Variants in UBASH3B observed in about 807,000 individuals in gnomAD.
UBASH3B encodes the protein ubiquitin associated and SH3 domain containing B, also known as ubiquitin-associated and SH3 domain-containing protein B.
Under a neutral mutation model 83.4 loss-of-function variants are expected in UBASH3B, and 37 were observed. The ratio of observed to expected loss-of-function variants is 0.44; its 90% CI spans 0.34 to 0.58. The LOEUF (loss-of-function observed/expected upper bound fraction) is 0.58, where lower values mean the gene tolerates loss of function less well. UBASH3B is among the 20% of genes least tolerant of loss of function. UBASH3B has a pLI of 0.01. For missense variants in UBASH3B, 657 were observed against 827.2 expected (o/e 0.79, Z 2.52); for synonymous variants, 304 against 318.3 (o/e 0.96, Z 0.48).
Position 122,789,154 on chromosome 11 carries a change from G to A in UBASH3B, c.826G>A (p.Val276Ile). 6.2e-7 allele frequency: 1 copy of A among 1,614,064 alleles called. No individual in the cohort carries two copies. The highest frequency in any genetic ancestry group is 8.5e-7 in the Non-Finnish European group (1 of 1,180,018). The change falls in exon 6 of 14, where the codon GTC (valine) becomes ATC (isoleucine). Residue 276 changes from valine (V) to isoleucine (I), a missense_variant. Val to Ile is a conservative substitution (Grantham distance 29, BLOSUM62 3). This residue lies in a region of UBASH3B where 573 missense variants were observed against 739.0 expected (regional missense o/e 0.78). Coordinates refer to ENST00000284273, the MANE Select transcript of UBASH3B (RefSeq NM_032873.5). ...ACAAAATGACGATGAGCTGGAGCTG[G>A]TCCCCGGGGACTTCATCTTCATGTC... ...TPQNDDELEL[V>I]PGDFIFMSPM...
chr11:122,662,427 C>CTT lies in UBASH3B; in HGVS notation c.161+6220_161+6221dup, dbSNP rs1434926452. On this transcript the variant is annotated intron_variant, in intron 1 of 13. Coordinates refer to ENST00000284273, the MANE Select transcript of UBASH3B (RefSeq NM_032873.5). ...GCAGCCACCAGTCGCTTTTTCTTTT[C>CTT]TTTTCTTTTTTTTTTTTTTGAGACA... Among the ~76,000 whole-genome samples, 17 of 136,200 alleles carry CTT rather than the reference C, an allele frequency of 1.2e-4. 1 individual carries two copies. The highest frequency in any genetic ancestry group is 2.7e-4 in the South Asian group (1 of 3,668). 89.4% of individuals were successfully genotyped at this position (136,200 alleles called of 152,430 possible).
chr11:122,786,206 C>G (rs575648630), intron 5 of UBASH3B, among the ~76,000 whole-genome samples: 1 of 152,026 alleles, frequency 6.6e-6, no homozygotes, highest in Non-Finnish European at 1.5e-5. Flanking sequence ...CCTGCCACCA[C>G]GCCTGGCTAA....
intron 1 of UBASH3B, among the ~76,000 whole-genome samples, chr11:122,734,324 G>A (rs12288472): frequency 1.3e-5 from 2 of 152,246 alleles, no homozygotes; most frequent in African/African-American, 4.8e-5. Context: ...ATTGAAAAGA[G>A]CTTGACATGG....
At chr11:122,779,754 A>T in intron 4 of UBASH3B, 59 bp downstream of exon 4, 1 of 1,600,516 alleles carries the variant, frequency 6.2e-7, no homozygotes, top group South Asian at 1.1e-5. Flanking sequence ...TTGGAAAGGA[A>T]AAAGGATAGG....
At chr11:122,779,825 G>A in intron 4 of UBASH3B, 130 bp downstream of exon 4, 2 of 1,124,284 alleles carry the variant, frequency 1.8e-6, no homozygotes, top group Non-Finnish European at 2.5e-6. Flanking sequence ...GAATGGACGT[G>A]TGACAAAAAA....
intron 1 of UBASH3B, among the ~76,000 whole-genome samples, chr11:122,671,146 G>C (rs1863588195): frequency 6.6e-6 from 1 of 152,222 alleles, no homozygotes; most frequent in South Asian, 2.1e-4. Context: ...TGGCTTAGGA[G>C]TGTGGCGCTC....
intron 1 of UBASH3B, among the ~76,000 whole-genome samples, chr11:122,702,646 T>C (rs1864057211): frequency 6.6e-6 from 1 of 151,940 alleles, no homozygotes; most frequent in African/African-American, 2.4e-5. Context: ...TGCTTCAGCC[T>C]CTCGAGTAGC....
rs1861336183 is a variant in UBASH3B, at chr11:122,806,128, T to C, written c.1596-282T>C. 6.6e-6 allele frequency among the ~76,000 whole-genome samples: 1 copy of C among 152,118 alleles called. No homozygotes were observed. Among genetic ancestry groups the C allele is most frequent in the Non-Finnish European group, 1.5e-5 (1 of 68,032 alleles). ...CTATGTGACTAGGACCATCCATCAA[T>C]GGCTTATTTGTTATCCCGAGAGTGA... On this transcript the variant is annotated intron_variant, in intron 11 of 13. Transcript: ENST00000284273. The surrounding 1 kb of genome is among the most constrained non-coding windows in gnomAD (Gnocchi z 4.0).
chr11:122,681,529 C>T (rs1227880000), intron 1 of UBASH3B, among the ~76,000 whole-genome samples: 1 of 152,192 alleles, frequency 6.6e-6, no homozygotes. Context: ...CCTCGGGGAA[C>T]ATGGATAAGC....
In UBASH3B at chr11:122,786,154, G is replaced by A. The variant is rs946123497; in HGVS notation, c.771+2932G>A. On this transcript the variant is annotated intron_variant, in intron 5 of 13. Coordinates refer to ENST00000284273, the MANE Select transcript of UBASH3B (RefSeq NM_032873.5). ...AACTTCCGCCTCCTGGGTTCACGCC[G>A]TTCTCCTGCCTCAGCCTCCCAAGTA... is the stretch of plus-strand genomic sequence containing the variant. Among the ~76,000 whole-genome samples, 33 of 152,038 alleles carry A rather than the reference G, an allele frequency of 2.2e-4. 2 individuals are homozygous for A. The highest frequency in any genetic ancestry group is 1.5e-3 in the Admixed American group (23 of 15,278).
chr11:122,802,124 G>T (rs185782156), intron 11 of UBASH3B, among the ~76,000 whole-genome samples: 27 of 152,206 alleles, frequency 1.8e-4, no homozygotes, highest in African/African-American at 6.5e-4. Flanking sequence ...AGACCAGCCT[G>T]TCCAACATGG....
Position 122,806,318 on chromosome 11 carries a change from A to T in UBASH3B, c.1596-92A>T. 9.0e-7 allele frequency: 1 copy of T among 1,114,650 alleles called. No individual in the cohort carries two copies. Among genetic ancestry groups the T allele is most frequent in the African/African-American group, 1.6e-5 (1 of 63,100 alleles). The allele number at this position is 1,114,650 out of a possible 1,614,324, so 69.0% of individuals were successfully genotyped here. A position where few individuals can be genotyped will look rare whatever the true frequency, so the allele number is the denominator to read the frequency against. On this transcript the variant is annotated intron_variant, in intron 11 of 13. Transcript: ENST00000284273. The surrounding 1 kb of genome is among the most constrained non-coding windows in gnomAD (Gnocchi z 4.0). ...AAACAAACAGATCTACGGGATCTTT[A>T]GAAATGCCTTGAAATAAAAGTTTAG...
rs1237750849 is a variant in UBASH3B, at chr11:122,759,506, A to G, written c.162-16713A>G. 1.3e-5 allele frequency among the ~76,000 whole-genome samples: 2 copies of G among 152,152 alleles called. No individual in the cohort carries two copies. The highest frequency in any genetic ancestry group is 2.4e-5 in the African/African-American group (1 of 41,436). On this transcript the variant is annotated intron_variant, in intron 1 of 13. Coordinates refer to ENST00000284273, the MANE Select transcript of UBASH3B (RefSeq NM_032873.5). This position sits in a 1 kb window ranked among gnomAD's most constrained non-coding sequence, Gnocchi z 4.1. ...ATATAATGAAATAGTGATACAACCA[A>G]CTCACCATAATGTAGAATGAGTGGG...
At chr11:122,661,567 G>A (rs958121074) in intron 1 of UBASH3B, among the ~76,000 whole-genome samples, 4 of 152,306 alleles carry the variant, frequency 2.6e-5, no homozygotes, top group Non-Finnish European at 5.9e-5. Context: ...GGTGGGCAGG[G>A]CAAGGAAGTC....
intron 2 of UBASH3B, 38 bp downstream of exon 2, chr11:122,776,310 A>C: frequency 6.4e-7 from 1 of 1,574,258 alleles, no homozygotes; most frequent in Admixed American, 1.8e-5. Flanking sequence ...AATAGCATAT[A>C]ATTAACTCAA....
intron 1 of UBASH3B, among the ~76,000 whole-genome samples, chr11:122,740,094 G>C (rs916178739): frequency 1.3e-5 from 2 of 152,156 alleles, no homozygotes; most frequent in Non-Finnish European, 2.9e-5. Context: ...TAAATATTGA[G>C]TGTCTGCTTG....
Position 122,806,028 on chromosome 11 carries a change from C to T in UBASH3B, c.1596-382C>T, listed in dbSNP as rs1031778279. Among the ~76,000 whole-genome samples, 8 of 152,216 alleles carry T rather than the reference C, an allele frequency of 5.3e-5. No homozygotes were observed. The highest frequency in any genetic ancestry group is 1.0e-4 in the Non-Finnish European group (7 of 68,042). ...GCGTTTAAAACCCATCCTTGCTGCTCTTGAAGAGAGGTCTGGGAAATCCCT... is the reference window on the plus strand; with the variant it reads ...GCGTTTAAAACCCATCCTTGCTGCTTTTGAAGAGAGGTCTGGGAAATCCCT... On this transcript the variant is annotated intron_variant, in intron 11 of 13. Coordinates refer to ENST00000284273, the MANE Select transcript of UBASH3B (RefSeq NM_032873.5). This position sits in a 1 kb window ranked among gnomAD's most constrained non-coding sequence, Gnocchi z 4.0.
chr11:122,657,109 C>T (rs1449746481), intron 1 of UBASH3B, among the ~76,000 whole-genome samples: 1 of 152,224 alleles, frequency 6.6e-6, no homozygotes, highest in East Asian at 1.9e-4. Flanking sequence ...TGGTTAATCC[C>T]TGCCGTGCAG....
rs549135808 is a variant in UBASH3B at position 122,723,734 on chromosome 11, G to C, written c.162-52485G>C. Among the ~76,000 whole-genome samples the C allele has an allele frequency of 8.5e-5, 13 of 152,320 alleles. 1 individual carries two copies. The South Asian group carries it at 2.3e-3, about 27-fold the overall frequency. On this transcript the variant is annotated intron_variant, in intron 1 of 13. Transcript: ENST00000284273. Reference sequence around the variant, plus strand: ...GGGCCGGTGGCTTAGAGAGTTAGTGGTAAACCTTTCCTGTTTCCATGTGCA... The same window carrying C: ...GGGCCGGTGGCTTAGAGAGTTAGTGCTAAACCTTTCCTGTTTCCATGTGCA...
Sources: allele counts gnomAD v4.1 joint callset (sites outside exome capture counted in the v4.1 genomes callset), GRCh38; gene constraint gnomAD v4.1.1; regional missense constraint gnomAD v4.1.1; non-coding constraint Gnocchi (gnomAD v3.1); transcripts MANE v1.5; gene names NCBI Gene and HGNC (gene_info 2026-07-23, HGNC 2026-07-21).